RBFOX1: variants seen among roughly 807,000 people sequenced by gnomAD.
RBFOX1 encodes the protein RNA binding protein fox-1 homolog 1.
Under a neutral mutation model 57.7 loss-of-function variants are expected in RBFOX1, and 8 were observed. The ratio of observed to expected loss-of-function variants is 0.14; its 90% CI spans 0.08 to 0.25. RBFOX1 has a LOEUF of 0.25. RBFOX1 is among the 10% of genes least tolerant of loss of function. RBFOX1 has a pLI of 1.00. For synonymous variants in RBFOX1, 326 were observed against 222.4 expected, an observed-to-expected ratio of 1.47 and a Z score of -4.15; for missense variants, 611 against 548.5, an observed-to-expected ratio of 1.11 and a Z score of -1.14.
intron 3 of RBFOX1, among the ~76,000 whole-genome samples, chr16:6,922,321 G>A (rs915279760): frequency 6.6e-6 from 1 of 152,112 alleles, no homozygotes; most frequent in African/African-American, 2.4e-5. Context: ...AGTTCCGAGT[G>A]TCCGGTGGTA....
At chr16:5,861,892 C>T (rs2057226977) in intron 3 of RBFOX1, among the ~76,000 whole-genome samples, 1 of 152,128 alleles carries the variant, frequency 6.6e-6, no homozygotes, top group Non-Finnish European at 1.5e-5. Flanking sequence ...ATGCATTCTC[C>T]CCAGTTAGTC....
intron 3 of RBFOX1, among the ~76,000 whole-genome samples, chr16:6,975,272 AT>A (rs35440171): frequency 0.78 from 116,957 of 149,896 alleles, 45,774 homozygotes; most frequent in African/African-American, 0.86. Context: ...TTTTTTTATT[AT>A]TTTTTTTTTT....
chr16:5,930,948 G>C (rs112765952), intron 4 of RBFOX1, among the ~76,000 whole-genome samples: 1 of 141,282 alleles, frequency 7.1e-6, no homozygotes, highest in Non-Finnish European at 1.6e-5. Context: ...GTAGGTGGGT[G>C]GGTGGGAGGG....
intron 3 of RBFOX1, among the ~76,000 whole-genome samples, chr16:5,797,174 CAG>C (rs921893684): frequency 5.3e-5 from 8 of 152,226 alleles, no homozygotes; most frequent in Admixed American, 5.2e-4. Context: ...TAAAAGGAAC[CAG>C]CCATGCTAGA....
Position 6,136,069 on chromosome 16 carries a change from A to G in RBFOX1, c.-127+116077A>G, listed in dbSNP as rs151027966. On this transcript the variant is annotated intron_variant, in intron 1 of 15. Transcript: ENST00000550418. ...CTTGGCCTCCCAACGTGCTGGGATT[A>G]CAGGCTTGAGCCTCTGTGCCTGGCC... 7.6e-3 allele frequency among the ~76,000 whole-genome samples: 1,160 copies of G among 152,192 alleles called. 15 individuals are homozygous for G. The highest frequency in any genetic ancestry group is 0.027 in the African/African-American group (1,113 of 41,500).
At chr16:5,792,480 A>G (rs754660097) in intron 3 of RBFOX1, among the ~76,000 whole-genome samples, 1 of 152,190 alleles carries the variant, frequency 6.6e-6, no homozygotes, top group Non-Finnish European at 1.5e-5. Flanking sequence ...CTGAACGCAA[A>G]TGTTCTATGT....
At chr16:6,184,398 G>A (rs4786834) in intron 1 of RBFOX1, among the ~76,000 whole-genome samples, 94,497 of 152,000 alleles carry the variant, frequency 0.62, 29,743 homozygotes, top group Admixed American at 0.67. Context: ...ACACTCATGG[G>A]GGTGAGAAGT....
intron 7 of RBFOX1, among the ~76,000 whole-genome samples, chr16:7,593,371 C>G (rs1162514236): frequency 6.6e-6 from 1 of 152,126 alleles, no homozygotes; most frequent in Non-Finnish European, 1.5e-5. Flanking sequence ...TAAATTCTCT[C>G]TTTTTTCCCT....
At chr16:6,651,365 C>G (rs1480820396) in intron 2 of RBFOX1, among the ~76,000 whole-genome samples, 1 of 144,058 alleles carries the variant, frequency 6.9e-6, no homozygotes, top group Non-Finnish European at 1.5e-5. Context: ...TTGATTTTAT[C>G]TGGCCTCTGA....
In RBFOX1 at chr16:7,712,781, G is replaced by C. The variant is rs1021110862; in HGVS notation, c.*2036G>C. 3.3e-5 allele frequency: 5 copies of C among 152,234 alleles called. No individual in the cohort carries two copies. Among genetic ancestry groups the C allele is most frequent in the South Asian group, 2.1e-4 (1 of 4,832 alleles). 9.4% of individuals were successfully genotyped at this position (152,234 alleles called of 1,614,324 possible). ...TATGACATCCTCCAGAGGGAAGAAA[G>C]AGTAGGAGCAGGGGGCTATGGAGAA... On this transcript the variant is annotated 3_prime_UTR_variant, in exon 16 of 16. Coordinates refer to ENST00000550418, the MANE Select transcript of RBFOX1 (RefSeq NM_018723.4).
chr16:6,782,789 C>A (rs1273381853), intron 3 of RBFOX1, among the ~76,000 whole-genome samples: 1 of 152,086 alleles, frequency 6.6e-6, no homozygotes, highest in Non-Finnish European at 1.5e-5. Flanking sequence ...TGTTAATTTT[C>A]TTTCTAGGTT....
At chr16:6,767,350 T>C (rs2077478692) in intron 3 of RBFOX1, among the ~76,000 whole-genome samples, 1 of 152,144 alleles carries the variant, frequency 6.6e-6, no homozygotes, top group African/African-American at 2.4e-5. Context: ...GCCATTTCTC[T>C]GCCCCCCTGA....
chr16:7,523,344 G>A (rs956800566), intron 5 of RBFOX1, among the ~76,000 whole-genome samples: 1 of 152,216 alleles, frequency 6.6e-6, no homozygotes, highest in Non-Finnish European at 1.5e-5. Flanking sequence ...GGGTGAATGT[G>A]TGAGGATGCA....
At chr16:6,568,893 C>T (rs1278152559) in intron 2 of RBFOX1, among the ~76,000 whole-genome samples, 1 of 152,128 alleles carries the variant, frequency 6.6e-6, no homozygotes. Flanking sequence ...CTCAGCACTG[C>T]CCCCAAGTAG....
At chr16:7,680,763 T>TAC (rs944157571) in intron 14 of RBFOX1, among the ~76,000 whole-genome samples, 2 of 152,208 alleles carry the variant, frequency 1.3e-5, no homozygotes, top group Non-Finnish European at 2.9e-5. Flanking sequence ...TAGAAATTGC[T>TAC]ACTTTTGTGT....
chr16:6,913,410 G>A (rs957960561), intron 3 of RBFOX1, among the ~76,000 whole-genome samples: 1 of 152,034 alleles, frequency 6.6e-6, no homozygotes, highest in African/African-American at 2.4e-5. Context: ...GCAAGCCACG[G>A]CATTGTTTGA....
chr16:7,511,696 C>G (rs1420599060), intron 4 of RBFOX1, among the ~76,000 whole-genome samples: 2 of 152,120 alleles, frequency 1.3e-5, no homozygotes, highest in African/African-American at 4.8e-5. Context: ...GGAGTGAAAG[C>G]TACACGTTGG....
rs2077664505 is a variant in RBFOX1, at chr16:7,158,733, G to C, written c.27+106635G>C. On this transcript the variant is annotated intron_variant, in intron 4 of 15. Coordinates refer to ENST00000550418, the MANE Select transcript of RBFOX1 (RefSeq NM_018723.4). ...ATATGTGTGCATGCATCTGTTTGGTGTGTGTTGTTTCTGGGTGGTGTGTGC... is the reference window on the plus strand; with the variant it reads ...ATATGTGTGCATGCATCTGTTTGGTCTGTGTTGTTTCTGGGTGGTGTGTGC... Among the ~76,000 whole-genome samples the C allele has an allele frequency of 2.0e-5, 3 of 151,916 alleles. No homozygotes were observed. The South Asian group carries it at 6.3e-4, about 32-fold the overall frequency.
intron 2 of RBFOX1, among the ~76,000 whole-genome samples, chr16:5,537,487 T>C (rs909972038): frequency 2.6e-5 from 4 of 152,234 alleles, no homozygotes; most frequent in Admixed American, 2.6e-4. Flanking sequence ...GTCAAGGTGT[T>C]GGCAGAACTT....
Sources: allele counts gnomAD v4.1 joint callset (sites outside exome capture counted in the v4.1 genomes callset), GRCh38; gene constraint gnomAD v4.1.1; transcripts MANE v1.5; gene names NCBI Gene and HGNC (gene_info 2026-07-23, HGNC 2026-07-21).